USP25: variants seen among roughly 807,000 people sequenced by gnomAD.
The protein encoded by USP25 is ubiquitin specific peptidase 25.
Under a neutral mutation model 158.5 loss-of-function variants are expected in USP25, and 85 were observed. The observed-to-expected ratio is 0.54, with a 90% confidence interval of 0.45 to 0.64. The LOEUF (loss-of-function observed/expected upper bound fraction) is 0.64, where lower values mean the gene tolerates loss of function less well. Among genes scored for constraint, USP25 ranks in the 30% least tolerant of loss-of-function variants. The pLI, the probability that USP25 is intolerant of heterozygous loss-of-function variation, is 0.00. For synonymous variants in USP25, 464 were observed against 460.4 expected (o/e 1.01, Z -0.10); for missense variants, 1,242 against 1,327.3 (o/e 0.94, Z 1.00).
At chr21:15,740,956 A>G (rs1156343058) in intron 1 of USP25, among the ~76,000 whole-genome samples, 1 of 151,630 alleles carries the variant, frequency 6.6e-6, no homozygotes, top group Non-Finnish European at 1.5e-5. Context: ...GAAAGTGTGT[A>G]ATTTGATGAA....
intron 17 of USP25, among the ~76,000 whole-genome samples, chr21:15,839,131 A>C (rs2038204501): frequency 6.6e-6 from 1 of 152,180 alleles, no homozygotes; most frequent in African/African-American, 2.4e-5. Context: ...ATTCATGGTG[A>C]AATGAGTGCA....
At chr21:15,827,964 C>T (rs767544141) in intron 14 of USP25, among the ~76,000 whole-genome samples, 4 of 151,334 alleles carry the variant, frequency 2.6e-5, no homozygotes, top group Non-Finnish European at 2.9e-5. Context: ...GATTTTATTA[C>T]ATTTTTTTCC....
At chr21:15,791,797 C>T (rs2035604582) in intron 5 of USP25, 133 bp downstream of exon 5, 1 of 910,056 alleles carries the variant, frequency 1.1e-6, no homozygotes, top group African/African-American at 1.7e-5. Context: ...GTCTAATAAA[C>T]TAGCTTGGGG....
chr21:15,849,895 C>T (rs572242854), intron 20 of USP25, 23 bp downstream of exon 20: 31 of 1,428,138 alleles, frequency 2.2e-5, no homozygotes, highest in African/African-American at 2.9e-5. Context: ...TTTTCATTTT[C>T]GTGTCTTTTC....
At chr21:15,786,544 C>T (rs769699723) in intron 4 of USP25, among the ~76,000 whole-genome samples, 2 of 152,000 alleles carry the variant, frequency 1.3e-5, no homozygotes, top group Non-Finnish European at 1.5e-5. Context: ...TCAGTAGATA[C>T]AGAAAAAAGC....
intron 10 of USP25, among the ~76,000 whole-genome samples, chr21:15,821,440 C>T (rs1338097818): frequency 6.6e-6 from 1 of 151,896 alleles, no homozygotes; most frequent in East Asian, 1.9e-4. Flanking sequence ...GAAGTAGAAT[C>T]TTTGGGTCAC....
chr21:15,740,641 G>GTTTTTTTTTTT (rs60616271), intron 1 of USP25, among the ~76,000 whole-genome samples: 38 of 41,300 alleles, frequency 9.2e-4, no homozygotes, highest in Non-Finnish European at 1.3e-3. Flanking sequence ...CTTTCTGGCT[G>GTTTTTTTTTTT]TTTTTTTTTT....
intron 7 of USP25, among the ~76,000 whole-genome samples, chr21:15,808,250 C>T (rs113527676): frequency 1.1e-4 from 16 of 151,972 alleles, no homozygotes; most frequent in Admixed American, 7.9e-4. Context: ...CCTGTTTTTC[C>T]GTGTTGGGAG....
chr21:15,753,735 C>G (rs1228985123), intron 1 of USP25, among the ~76,000 whole-genome samples: 1 of 150,908 alleles, frequency 6.6e-6, no homozygotes, highest in Non-Finnish European at 1.5e-5. Flanking sequence ...CTTTACCTTT[C>G]TAAGTTCTTT....
intron 18 of USP25, among the ~76,000 whole-genome samples, chr21:15,844,238 C>T (rs1015775817): frequency 2.6e-5 from 4 of 152,036 alleles, no homozygotes; most frequent in African/African-American, 7.2e-5. Context: ...TACTTCATAG[C>T]GGTTTTTTTC....
At chr21:15,832,074 G>A (rs1372836709) in intron 16 of USP25, among the ~76,000 whole-genome samples, 2 of 152,144 alleles carry the variant, frequency 1.3e-5, no homozygotes, top group Admixed American at 1.3e-4. Context: ...GTTCGTATAT[G>A]TTTTATTTTT....
chr21:15,857,238 G>A (rs569558572), intron 20 of USP25, among the ~76,000 whole-genome samples: 1 of 152,266 alleles, frequency 6.6e-6, no homozygotes, highest in South Asian at 2.1e-4. Flanking sequence ...GAACACCTAA[G>A]TTGTTACCTA....
chr21:15,802,073 G>C (rs568023331), intron 6 of USP25, among the ~76,000 whole-genome samples: 1 of 151,564 alleles, frequency 6.6e-6, no homozygotes, highest in South Asian at 2.1e-4. Flanking sequence ...AAATGTTTCA[G>C]ACTGATGGCA....
At chr21:15,740,822 T>C (rs1235235464) in intron 1 of USP25, among the ~76,000 whole-genome samples, 1 of 151,990 alleles carries the variant, frequency 6.6e-6, no homozygotes, top group Non-Finnish European at 1.5e-5. Flanking sequence ...GAATATCTTA[T>C]TGTCCTGGAA....
intron 8 of USP25, among the ~76,000 whole-genome samples, 174 bp from the exon 9 acceptor site, chr21:15,810,963 A>T (rs2036628579): frequency 6.6e-6 from 1 of 152,234 alleles, no homozygotes; most frequent in African/African-American, 2.4e-5. Context: ...CAGGTAAAGA[A>T]ATGGAAGAAT....
chr21:15,749,462 A>G (rs140964724), intron 1 of USP25, among the ~76,000 whole-genome samples: 48 of 152,344 alleles, frequency 3.2e-4, no homozygotes, highest in Non-Finnish European at 5.9e-4. Context: ...ACTATCAAGT[A>G]TGTGTATTGA....
At chr21:15,760,984 T>C (rs1418090611) in intron 1 of USP25, among the ~76,000 whole-genome samples, 1 of 152,238 alleles carries the variant, frequency 6.6e-6, no homozygotes, top group Non-Finnish European at 1.5e-5. Flanking sequence ...ATGCAGTCAG[T>C]TCCCCCTTTG....
chr21:15,876,664 C>A (rs1181995436), intron 24 of USP25: 1 of 152,242 alleles, frequency 6.6e-6, no homozygotes, highest in African/African-American at 2.4e-5. Flanking sequence ...ATGATCTGAT[C>A]ACCTCCCACC....
chr21:15,876,293 T>G (rs1222459198), intron 24 of USP25: 1 of 152,198 alleles, frequency 6.6e-6, no homozygotes, highest in African/African-American at 2.4e-5. Context: ...TTTATTCTCT[T>G]AACCCCTATG....
Sources: gnomAD v4.1 joint callset for allele counts (sites outside exome capture counted in the v4.1 genomes callset) on GRCh38, gnomAD v4.1.1 for gene constraint, MANE v1.5 for transcripts, NCBI Gene and HGNC (gene_info 2026-07-23, HGNC 2026-07-21) for gene names.